The following STAG2 variants were observed in gnomAD, a reference collection of about 807,000 sequenced individuals.
STAG2 encodes the protein cohesin subunit SA-2.
STAG2 carries 14 observed loss-of-function variants against 108.1 expected under a neutral mutation model. That is an observed-to-expected ratio of 0.13 (90% CI 0.09 to 0.20). The LOEUF (loss-of-function observed/expected upper bound fraction) is 0.20, where lower values mean the gene tolerates loss of function less well. Among genes scored for constraint, STAG2 ranks in the 10% least tolerant of loss-of-function variants. The pLI is 1.00. For missense variants in STAG2, 440 were observed against 940.9 expected, an observed-to-expected ratio of 0.47 and a Z score of 6.96; for synonymous variants, 307 against 302.7, an observed-to-expected ratio of 1.01 and a Z score of -0.15.
At chrX:124,095,633 A>G (rs892113865) in intron 34 of STAG2, 184 bp downstream of exon 34, 7 of 416,566 alleles carry the variant, frequency 1.7e-5, no homozygotes, top group Non-Finnish European at 2.5e-5. Context: ...GTGTTGACAG[A>G]TTAGAAAAGT....
At chrX:123,974,573 C>A (rs754767854) in intron 1 of STAG2, among the ~76,000 whole-genome samples, 1 of 95,431 alleles carries the variant, frequency 1.0e-5, no homozygotes, top group East Asian at 3.8e-4. Context: ...AAGGTTGATA[C>A]CTTCTTTTTT....
intron 25 of STAG2, among the ~76,000 whole-genome samples, chrX:124,071,655 C>T (rs1199670562): frequency 1.8e-5 from 2 of 111,839 alleles, no homozygotes; most frequent in Admixed American, 1.9e-4. Context: ...AATTTATTCC[C>T]TCTTGCCCTT....
At chrX:124,017,906 C>T (rs1004842754) in intron 1 of STAG2, among the ~76,000 whole-genome samples, 1 of 111,855 alleles carries the variant, frequency 8.9e-6, no homozygotes, top group African/African-American at 3.2e-5. Flanking sequence ...ATAACGCGAT[C>T]ATCTGTTACT....
chrX:123,961,237 A>C (rs1037077908), upstream of STAG2: 6 of 100,415 alleles, frequency 6.0e-5, no homozygotes, highest in African/African-American at 2.3e-4. Flanking sequence ...CTTTTCGACT[A>C]CCCTCGCTGA....
At chrX:124,032,434 A>T (rs1370230379) in intron 5 of STAG2, among the ~76,000 whole-genome samples, 2 of 111,749 alleles carry the variant, frequency 1.8e-5, no homozygotes, top group Non-Finnish European at 1.9e-5. Context: ...TATATACTTA[A>T]TAAAGTTTTA....
At chrX:124,078,894 C>T (rs1001714967) in intron 27 of STAG2, among the ~76,000 whole-genome samples, 14 of 108,589 alleles carry the variant, frequency 1.3e-4, no homozygotes, top group African/African-American at 3.3e-4. Flanking sequence ...GCTTGAACCT[C>T]GTAGGTGGAG....
Position 124,100,606 on chromosome X carries a change from C to A in STAG2, c.*9C>A. On this transcript the variant is annotated 3_prime_UTR_variant, in exon 35 of 35. Coordinates refer to ENST00000371145, the MANE Select transcript of STAG2 (RefSeq NM_001042750.2). ...GAGTGTCAATGTTTTAATACCAGTACACAATTAAATCTGTGGTGAAGTCAT... is the reference window on the plus strand; with the variant it reads ...GAGTGTCAATGTTTTAATACCAGTAAACAATTAAATCTGTGGTGAAGTCAT... 1 of 1,183,809 alleles carries A rather than the reference C, an allele frequency of 8.4e-7. No individual in the cohort carries two copies. The highest frequency in any genetic ancestry group is 1.8e-5 in the South Asian group (1 of 55,608).
chrX:124,042,477 C>T lies in STAG2; in HGVS notation c.386-92C>T, dbSNP rs1602999885. 5 of 585,534 alleles carry T rather than the reference C, an allele frequency of 8.5e-6. No homozygotes were observed. The East Asian group carries it at 1.3e-4, about 16-fold the overall frequency. The allele number at this position is 585,534 out of a possible 1,213,427, so 48.3% of individuals were successfully genotyped here. A position where few individuals can be genotyped will look rare whatever the true frequency, so the allele number is the denominator to read the frequency against. On this transcript the variant is annotated intron_variant, in intron 6 of 34. Transcript: ENST00000371145. The stretch of plus-strand genomic sequence containing the variant: ...AAGAAGTATGCCTTTTATTGTGTGA[C>T]CATAGACTTCTTAGTGTTAGAGACT...
chrX:124,010,791 G>A (rs903454735), intron 1 of STAG2, among the ~76,000 whole-genome samples: 21 of 111,794 alleles, frequency 1.9e-4, no homozygotes, highest in African/African-American at 6.2e-4. Context: ...GTGATATTGA[G>A]GACTTTCTCT....
At chrX:123,965,949 C>T (rs1360992206) in intron 1 of STAG2, among the ~76,000 whole-genome samples, 2 of 109,370 alleles carry the variant, frequency 1.8e-5, no homozygotes, top group Non-Finnish European at 3.8e-5. Context: ...CAGTAAGCCA[C>T]GATTGCGCCA....
intron 1 of STAG2, among the ~76,000 whole-genome samples, chrX:124,007,981 C>T (rs1260519743): frequency 1.8e-5 from 2 of 110,855 alleles, no homozygotes; most frequent in Non-Finnish European, 3.8e-5. Context: ...TGACTTTGGG[C>T]AGAAAAACAG....
intron 1 of STAG2, among the ~76,000 whole-genome samples, chrX:124,011,269 G>C (rs1387549949): frequency 8.9e-6 from 1 of 112,070 alleles, no homozygotes; most frequent in Admixed American, 9.5e-5. Context: ...GTTTTTATGT[G>C]TGTGTAAACT....
rs1177101640 is a variant in STAG2, at chrX:123,967,256, A to ATTT, written c.-163+5424_-163+5426dup. 6.6e-3 allele frequency among the ~76,000 whole-genome samples: 330 copies of ATTT among 50,221 alleles called. 29 individuals carry two copies. Among genetic ancestry groups the ATTT allele is most frequent in the South Asian group, 0.017 (12 of 687 alleles). 43.6% of individuals were successfully genotyped at this position (50,221 alleles called of 115,157 possible). On this transcript the variant is annotated intron_variant, in intron 1 of 34. Coordinates refer to ENST00000371145, the MANE Select transcript of STAG2 (RefSeq NM_001042750.2). Reference sequence around the variant, plus strand: ...AGAGGATGAATAATGTCAATGGTGTATTTTTTTTTTTTTTTTTTTTTTTTT... The same window carrying ATTT: ...AGAGGATGAATAATGTCAATGGTGTATTTTTTTTTTTTTTTTTTTTTTTTTTTT...
At chrX:124,006,540 A>G (rs1430703125) in intron 1 of STAG2, among the ~76,000 whole-genome samples, 1 of 105,072 alleles carries the variant, frequency 9.5e-6, no homozygotes, top group African/African-American at 3.5e-5. Flanking sequence ...CCGGGTTCAC[A>G]CCATTCTCCT....
At chrX:124,003,957 A>T (rs1282547768) in intron 1 of STAG2, among the ~76,000 whole-genome samples, 1 of 111,468 alleles carries the variant, frequency 9.0e-6, no homozygotes. Context: ...GATACTCCTG[A>T]TGAAACATTT....
chrX:123,973,358 C>T (rs1196085102), intron 1 of STAG2, among the ~76,000 whole-genome samples: 1 of 106,142 alleles, frequency 9.4e-6, no homozygotes, highest in South Asian at 4.2e-4. Context: ...CTGGCCAACA[C>T]GGTGAGACCC....
At position 124,093,745 on chromosome X, in the gene STAG2, A is replaced by G. The variant is rs189653228; in HGVS notation, c.3579-273A>G. Reference sequence around the variant, plus strand: ...GGTATCTTGTATGTTCCCATGTGGGAAATTCTCATTGAACCTTGTATATGG... The same window carrying G: ...GGTATCTTGTATGTTCCCATGTGGGGAATTCTCATTGAACCTTGTATATGG... On this transcript the variant is annotated intron_variant, in intron 32 of 34. Transcript: ENST00000371145. Among the ~76,000 whole-genome samples, 8 of 111,581 alleles carry G rather than the reference A, an allele frequency of 7.2e-5. No individual in the cohort carries two copies. In the East Asian group the frequency reaches 2.2e-3, roughly 31 times the overall value.
rs960622455 is a variant in STAG2 at position 124,101,863 on chromosome X, C to G, written c.*1266C>G. 6.2e-6 allele frequency: 1 copy of G among 161,572 alleles called. No homozygotes were observed. Among genetic ancestry groups the G allele is most frequent in the African/African-American group, 3.0e-5 (1 of 33,223 alleles). The allele number at this position is 161,572 out of a possible 1,213,427, so 13.3% of individuals were successfully genotyped here. A position where few individuals can be genotyped will look rare whatever the true frequency, so the allele number is the denominator to read the frequency against. On this transcript the variant is annotated 3_prime_UTR_variant, in exon 35 of 35. Transcript: ENST00000371145. ...TTTAAAACAGAAAGTGGCTACTTGC[C>G]ATTTTGACATCAACTCATTTTGCGA...
intron 34 of STAG2, among the ~76,000 whole-genome samples, chrX:124,100,287 A>G (rs931856555): frequency 1.8e-5 from 2 of 111,517 alleles, no homozygotes; most frequent in Non-Finnish European, 3.8e-5. Context: ...GCCTATGTTT[A>G]GGGTATTATC....
Sources: gnomAD v4.1 joint callset for allele counts (sites outside exome capture counted in the v4.1 genomes callset) on GRCh38, gnomAD v4.1.1 for gene constraint, MANE v1.5 for transcripts, NCBI Gene and HGNC (gene_info 2026-07-23, HGNC 2026-07-21) for gene names.